Variants in LRP1B observed in about 807,000 individuals in gnomAD.
LRP1B encodes low-density lipoprotein receptor-related protein 1B.
Under a neutral mutation model 556.6 loss-of-function variants are expected in LRP1B, and 217 were observed. The observed-to-expected ratio is 0.39, with a 90% CI of 0.35 to 0.44. The LOEUF is 0.44. LRP1B is among the 20% of genes least tolerant of loss of function. The pLI is 1.00. For synonymous variants in LRP1B, 2,047 were observed against 1,865.8 expected, an observed-to-expected ratio of 1.10 and a Z score of -2.50; for missense variants, 5,053 against 5,620.8, an observed-to-expected ratio of 0.90 and a Z score of 3.23.
Position 141,049,975 on chromosome 2 carries a change from A to G in LRP1B, c.1553-753T>C, listed in dbSNP as rs144408565. Among the ~76,000 whole-genome samples the G allele has an allele frequency of 8.6e-3, 1,313 of 152,124 alleles. 18 individuals are homozygous for G. Among genetic ancestry groups the G allele is most frequent in the South Asian group, 0.041 (198 of 4,826 alleles). On this transcript the variant is annotated intron_variant, in intron 10 of 90. Transcript: ENST00000389484. ...TTCTATAAAATGAATTCCTTATTTT[A>G]GACTTCTATATAAAAATATATACAA...
At chr2:140,967,707 A>C (rs1696275718) in intron 18 of LRP1B, among the ~76,000 whole-genome samples, 1 of 151,996 alleles carries the variant, frequency 6.6e-6, no homozygotes, top group Non-Finnish European at 1.5e-5. Context: ...ATTTTGAGAT[A>C]TGTCCCATCA....
intron 59 of LRP1B, 71 bp downstream of exon 59, chr2:140,485,272 A>G (rs2105362161): frequency 1.7e-6 from 2 of 1,156,124 alleles, no homozygotes; most frequent in Non-Finnish European, 2.4e-6. Context: ...TTAATGATCT[A>G]TAGTACTAGA....
intron 1 of LRP1B, among the ~76,000 whole-genome samples, chr2:141,988,557 G>A (rs1298541824): frequency 2.0e-5 from 3 of 151,960 alleles, no homozygotes; most frequent in Non-Finnish European, 4.4e-5. Flanking sequence ...AATTGGTTAT[G>A]GGTTATGTTC....
At chr2:141,052,101 G>T (rs1443492845) in intron 10 of LRP1B, among the ~76,000 whole-genome samples, 1 of 151,850 alleles carries the variant, frequency 6.6e-6, no homozygotes, top group African/African-American at 2.4e-5. Context: ...ATAATACTGA[G>T]ATAAGCATAA....
chr2:142,089,872 G>A (rs1459756751), intron 1 of LRP1B, among the ~76,000 whole-genome samples: 1 of 151,636 alleles, frequency 6.6e-6, no homozygotes, highest in Non-Finnish European at 1.5e-5. Context: ...ATGAGAAGAG[G>A]GCTTTCTTGT....
intron 1 of LRP1B, among the ~76,000 whole-genome samples, chr2:141,896,798 C>A (rs1450292983): frequency 6.6e-6 from 1 of 152,128 alleles, no homozygotes; most frequent in Non-Finnish European, 1.5e-5. Context: ...ATTTAAAACA[C>A]CATTGTGTGT....
intron 86 of LRP1B, among the ~76,000 whole-genome samples, chr2:140,267,533 G>C (rs1214517026): frequency 6.6e-6 from 1 of 151,916 alleles, no homozygotes; most frequent in South Asian, 2.1e-4. Flanking sequence ...GTATTGTTTA[G>C]AGAATAACGA....
chr2:141,309,979 T>C (rs1433819256), intron 3 of LRP1B, among the ~76,000 whole-genome samples: 1 of 152,190 alleles, frequency 6.6e-6, no homozygotes, highest in Non-Finnish European at 1.5e-5. Flanking sequence ...GAGCAATAAA[T>C]TTCTGTCATT....
At chr2:140,524,269 G>A (rs1690321767) in intron 49 of LRP1B, among the ~76,000 whole-genome samples, 1 of 151,634 alleles carries the variant, frequency 6.6e-6, no homozygotes, top group South Asian at 2.1e-4. Context: ...TCAAAACCAC[G>A]AGGTACCATC....
intron 7 of LRP1B, among the ~76,000 whole-genome samples, chr2:141,088,073 T>C (rs1700089721): frequency 1.3e-5 from 2 of 152,262 alleles, no homozygotes; most frequent in Admixed American, 1.3e-4. Flanking sequence ...GGAAGAAGGG[T>C]ACAAAAAGAC....
chr2:141,097,257 GTTCT>G (rs762164506), intron 7 of LRP1B, among the ~76,000 whole-genome samples: 4 of 152,098 alleles, frequency 2.6e-5, no homozygotes, highest in Non-Finnish European at 5.9e-5. Flanking sequence ...AGAAGACTAT[GTTCT>G]TTCATGAAAT....
chr2:140,774,069 AC>A (rs758784938), intron 33 of LRP1B, among the ~76,000 whole-genome samples: 65 of 152,240 alleles, frequency 4.3e-4, no homozygotes, highest in South Asian at 1.2e-3. Context: ...CACTAATTGT[AC>A]TTTGAAATCC....
At chr2:141,380,365 G>A (rs983418909) in intron 3 of LRP1B, among the ~76,000 whole-genome samples, 24 of 152,090 alleles carry the variant, frequency 1.6e-4, no homozygotes, top group African/African-American at 5.3e-4. Flanking sequence ...CCAGACAGTC[G>A]CTACCCAACT....
intron 5 of LRP1B, among the ~76,000 whole-genome samples, chr2:141,234,408 G>A (rs1180295135): frequency 6.6e-6 from 1 of 151,798 alleles, no homozygotes; most frequent in Non-Finnish European, 1.5e-5. Flanking sequence ...ACAGAGTCTT[G>A]CTCTGTCATA....
intron 1 of LRP1B, among the ~76,000 whole-genome samples, chr2:141,874,345 G>T (rs1283204625): frequency 6.6e-6 from 1 of 151,620 alleles, no homozygotes; most frequent in African/African-American, 2.4e-5. Flanking sequence ...AATATGGTCT[G>T]GGCACATAGT....
chr2:142,124,963 C>T (rs1707585774), intron 1 of LRP1B, among the ~76,000 whole-genome samples: 1 of 151,166 alleles, frequency 6.6e-6, no homozygotes, highest in Non-Finnish European at 1.5e-5. Context: ...TCAGTTTCAT[C>T]AATTGGTTTA....
chr2:140,734,616 C>T (rs1336913853), intron 35 of LRP1B, among the ~76,000 whole-genome samples: 1 of 152,066 alleles, frequency 6.6e-6, no homozygotes, highest in East Asian at 1.9e-4. Flanking sequence ...CCAGAACAGC[C>T]CTTAGTACTG....
At chr2:141,040,155 T>C (rs1373339997) in intron 11 of LRP1B, among the ~76,000 whole-genome samples, 2 of 152,074 alleles carry the variant, frequency 1.3e-5, no homozygotes, top group Non-Finnish European at 2.9e-5. Flanking sequence ...CCTTTAATAG[T>C]TGGTCAGAGT....
intron 3 of LRP1B, among the ~76,000 whole-genome samples, chr2:141,431,017 G>GT (rs1680540427): frequency 6.6e-6 from 1 of 151,862 alleles, no homozygotes; most frequent in African/African-American, 2.4e-5. Flanking sequence ...TGTGCCTATA[G>GT]TTTTGGCTTT....
Sources: allele counts gnomAD v4.1 joint callset (sites outside exome capture counted in the v4.1 genomes callset), GRCh38; gene constraint gnomAD v4.1.1; transcripts MANE v1.5; gene names NCBI Gene and HGNC (gene_info 2026-07-23, HGNC 2026-07-21).